Variants in SMG5 observed in about 807,000 individuals in gnomAD.
The protein encoded by SMG5 is SMG5 nonsense mediated mRNA decay factor.
Under a neutral mutation model 122.9 loss-of-function variants are expected in SMG5, and 53 were observed. That is an observed-to-expected ratio of 0.43 (90% CI 0.35 to 0.54). SMG5 has a LOEUF of 0.54. SMG5 is among the 20% of genes least tolerant of loss of function. SMG5 has a pLI of 0.01. For synonymous variants in SMG5, 477 were observed against 490.2 expected (o/e 0.97, Z 0.35); for missense variants, 1,153 against 1,285.6 (o/e 0.90, Z 1.58).
intron 6 of SMG5, among the ~76,000 whole-genome samples, chr1:156,272,864 C>T (rs1393839441): frequency 6.6e-6 from 1 of 152,082 alleles, no homozygotes; most frequent in Non-Finnish European, 1.5e-5. Flanking sequence ...CGCGCCCGGC[C>T]TACTGACCTC....
In SMG5 at chr1:156,250,661, G is replaced by A; in HGVS notation, c.2977C>T (p.Gln993Ter). 1.2e-6 allele frequency: 2 copies of A among 1,614,050 alleles called. No individual in the cohort carries two copies. Among genetic ancestry groups the A allele is most frequent in the Non-Finnish European group, 8.5e-7 (1 of 1,179,914 alleles). ...VLSGPMQAAL[Q>*]AAAHASVDIK... ...TCCACACTGGCGTGGGCAGCGGCCT[G>A]CAGGGCTGCCTGTGGAATGGGAGAA... The change falls in exon 22 of 22, where the codon CAG becomes TAG. Residue 993 changes from glutamine (Q) to a stop codon, truncating the protein, a stop_gained. Coordinates refer to ENST00000361813, the MANE Select transcript of SMG5 (RefSeq NM_015327.3). LOFTEE classifies it high-confidence loss of function.
chr1:156,267,322 T>C (rs752383694), intron 10 of SMG5, 148 bp downstream of exon 10: 319 of 723,784 alleles, frequency 4.4e-4, no homozygotes, highest in Non-Finnish European at 5.8e-4. Context: ...GTAGGATCCC[T>C]TGGCCCTTAC....
At chr1:156,257,592 T>A (rs1275164745) in intron 16 of SMG5, among the ~76,000 whole-genome samples, 1 of 152,168 alleles carries the variant, frequency 6.6e-6, no homozygotes, top group Non-Finnish European at 1.5e-5. Context: ...AACTTCCCCA[T>A]AATTATTTTT....
intron 16 of SMG5, among the ~76,000 whole-genome samples, chr1:156,256,089 T>G (rs1661564892): frequency 6.6e-6 from 1 of 152,000 alleles, no homozygotes; most frequent in Admixed American, 6.6e-5. Flanking sequence ...ATACTGTGGG[T>G]CCTGGACTGG....
In SMG5 at chr1:156,249,382, G is replaced by A. The variant is rs1661196021; in HGVS notation, c.*1205C>T. 1.6e-5 allele frequency: 4 copies of A among 242,656 alleles called. No individual in the cohort carries two copies. The South Asian group carries it at 2.0e-4, about 12-fold the overall frequency. 15.0% of individuals were successfully genotyped at this position (242,656 alleles called of 1,614,324 possible). A position where few individuals can be genotyped will look rare whatever the true frequency, so the allele number is the denominator to read the frequency against. ...CTCTAAGCCACAGCTTGGGAAGCTA[G>A]GCTAGTACTGGGGTGGGGGCAGCAG... is the stretch of plus-strand genomic sequence containing the variant. On this transcript the variant is annotated 3_prime_UTR_variant, in exon 22 of 22. Coordinates refer to ENST00000361813, the MANE Select transcript of SMG5 (RefSeq NM_015327.3).
chr1:156,282,807 T>A lies in SMG5; in HGVS notation c.-127A>T. 9.7e-7 allele frequency: 1 copy of A among 1,033,566 alleles called. No individual in the cohort carries two copies. Among genetic ancestry groups the A allele is most frequent in the Non-Finnish European group, 1.4e-6 (1 of 739,572 alleles). 64.0% of individuals were successfully genotyped at this position (1,033,566 alleles called of 1,614,324 possible). The stretch of plus-strand genomic sequence containing the variant: ...CGGCCCTGCTCGGCCGCCATCGCTG[T>A]GAGGCGGCTGCCCGCGACAGCTCCT... On this transcript the variant is annotated 5_prime_UTR_variant, in exon 1 of 22. Coordinates refer to ENST00000361813, the MANE Select transcript of SMG5 (RefSeq NM_015327.3).
In SMG5 at chr1:156,278,066, G is replaced by A; in HGVS notation, c.174-18C>T. 1.2e-6 allele frequency: 2 copies of A among 1,612,896 alleles called. No individual in the cohort carries two copies. The highest frequency in any genetic ancestry group is 1.7e-6 in the Non-Finnish European group (2 of 1,179,278). On this transcript the variant is annotated intron_variant, in intron 2 of 21. Transcript: ENST00000361813. ...CACGCAGCCTGGAGGGTGTAGAGGA[G>A]CATGAGAGAGACAGCCCATCCCTTG...
chr1:156,279,272 T>C (rs1662829343), intron 1 of SMG5, among the ~76,000 whole-genome samples: 1 of 136,916 alleles, frequency 7.3e-6, no homozygotes, highest in African/African-American at 2.7e-5. Context: ...GAAACATTTA[T>C]TGTCATCACA....
At chr1:156,280,605 C>T (rs1662892158) in intron 1 of SMG5, among the ~76,000 whole-genome samples, 1 of 152,204 alleles carries the variant, frequency 6.6e-6, no homozygotes, top group Admixed American at 6.5e-5. Flanking sequence ...GGGCTTTTAT[C>T]TTTGGTGCCA....
In SMG5 at chr1:156,272,382, C is replaced by G; in HGVS notation, c.651G>C (p.Gln217His). The G allele has an allele frequency of 1.9e-6, 3 of 1,602,496 alleles. No individual in the cohort carries two copies. The highest frequency in any genetic ancestry group is 2.6e-6 in the Non-Finnish European group (3 of 1,173,216). The change falls in exon 7 of 22, where the codon CAG (glutamine) becomes CAC (histidine). Residue 217 changes from glutamine to histidine, a missense_variant. Physicochemically the swap from Gln to His is conservative, Grantham distance 24. Around this residue, in one of 5 missense-constraint regions of SMG5, gnomAD observed 85 missense variants for 127.3 expected, o/e 0.67. Transcript: ENST00000361813. Reference protein sequence around the residue: ...VAPQIGMPFNQLGTLAGSKYY... With the variant: ...VAPQIGMPFNHLGTLAGSKYY... ...ACTTGCTGCCTGCCAGGGTGCCCAG[C>G]TGATTGAAGGGCATTCCTAGGGAGA...
chr1:156,288,618 G>A, the SMG5 span, among the ~76,000 whole-genome samples: 1 of 152,110 alleles, frequency 6.6e-6, no homozygotes, highest in African/African-American at 2.4e-5. Flanking sequence ...GATTACAGGC[G>A]TGAGCCACCA....
intron 7 of SMG5, 37 bp from the exon 8 acceptor site, chr1:156,268,452 G>T (rs1662258756): frequency 1.9e-6 from 3 of 1,607,608 alleles, no homozygotes; most frequent in African/African-American, 2.7e-5. Context: ...AGTCTTGGCA[G>T]GGGGAGGATA....
At chr1:156,283,054 G>T (rs1429406986), upstream of SMG5, 4 of 440,578 alleles carry the variant, frequency 9.1e-6, no homozygotes, top group South Asian at 5.3e-5. Flanking sequence ...AAGCTTAACT[G>T]GATCAGGGCA....
Position 156,249,633 on chromosome 1 carries a change from G to C in SMG5, c.*954C>G. ...CTGCGGAAGGCAAAAGGAGGGACGG[G>C]GGCCTCTGACTGAGCAGCTTCAAGG... On this transcript the variant is annotated 3_prime_UTR_variant, in exon 22 of 22. Coordinates refer to ENST00000361813, the MANE Select transcript of SMG5 (RefSeq NM_015327.3). 4.8e-6 allele frequency: 2 copies of C among 412,432 alleles called. No individual in the cohort carries two copies. Among genetic ancestry groups the C allele is most frequent in the Non-Finnish European group, 1.0e-5 (2 of 199,426 alleles). 25.5% of individuals were successfully genotyped at this position (412,432 alleles called of 1,614,324 possible).
intron 18 of SMG5, 50 bp from the exon 19 acceptor site, chr1:156,252,554 G>A (rs1267190446): frequency 1.6e-5 from 25 of 1,574,828 alleles, no homozygotes; most frequent in Non-Finnish European, 2.0e-5. Context: ...AGACTGCTGT[G>A]ACAAGGGGCT....
chr1:156,263,409 T>C lies in SMG5; in HGVS notation c.2017A>G (p.Ile673Val). The C allele has an allele frequency of 1.2e-6, 2 of 1,613,918 alleles. No individual in the cohort carries two copies. Among genetic ancestry groups the C allele is most frequent in the African/African-American group, 1.3e-5 (1 of 75,016 alleles). The change falls in exon 13 of 22, where the codon ATC (isoleucine) becomes GTC (valine). Residue 673 changes from isoleucine (I) to valine (V), a missense_variant. Ile to Val is a conservative substitution (Grantham distance 29, BLOSUM62 3). Around this residue, in one of 5 missense-constraint regions of SMG5, gnomAD observed 631 missense variants for 650.6 expected, o/e 0.97. Transcript: ENST00000361813. ...GACTGACACACCTGCGCACACACGA[T>C]GATGAGGTCGGGGTTGGTCCGAAGC... ...DWLRTNPDLI[I>V]VCAQSSQSLW...
At chr1:156,279,415 A>G (rs1004557390) in intron 1 of SMG5, among the ~76,000 whole-genome samples, 4 of 152,164 alleles carry the variant, frequency 2.6e-5, no homozygotes, top group African/African-American at 4.8e-5. Context: ...AGAAACTGTG[A>G]TATGGTAAGG....
chr1:156,253,164 G>C (rs977206406), intron 17 of SMG5, 86 bp from the exon 18 acceptor site: 3 of 1,418,340 alleles, frequency 2.1e-6, no homozygotes, highest in African/African-American at 2.8e-5. Context: ...GTGGCTCTAT[G>C]GGGCTCCTCC....
chr1:156,271,127 G>C (rs189505343), intron 7 of SMG5, among the ~76,000 whole-genome samples: 197 of 152,284 alleles, frequency 1.3e-3, no homozygotes, highest in African/African-American at 4.6e-3. Context: ...AACTGATCTA[G>C]ATGAGAGGGA....
Sources: allele counts gnomAD v4.1 joint callset (sites outside exome capture counted in the v4.1 genomes callset), GRCh38; gene constraint gnomAD v4.1.1; regional missense constraint gnomAD v4.1.1; transcripts MANE v1.5; gene names NCBI Gene and HGNC (gene_info 2026-07-23, HGNC 2026-07-21).